PUDP: variants seen among roughly 807,000 people sequenced by gnomAD.
PUDP encodes the protein pseudouridine-5'-phosphatase.
PUDP carries 8 observed loss-of-function variants against 9.4 expected under a neutral mutation model. That is an observed-to-expected ratio of 0.85 (90% CI 0.50 to 1.53). The LOEUF is 1.53. Among genes scored for constraint, PUDP ranks in the 40% most tolerant of loss-of-function variants. The probability of loss-of-function intolerance (pLI) is 0.00; values close to 1 mark genes in which losing one functional copy is unlikely to be tolerated. For synonymous variants in PUDP, 99 were observed against 80.7 expected (o/e 1.23, Z -1.22); for missense variants, 188 against 189.7 (o/e 0.99, Z 0.05).
At chrX:6,981,883 G>A (rs1489001135) in intron 1 of PUDP, among the ~76,000 whole-genome samples, 4 of 110,131 alleles carry the variant, frequency 3.6e-5, no homozygotes, top group South Asian at 3.9e-4. Flanking sequence ...GCTGGATGCC[G>A]GGCAGAATAA....
At chrX:6,801,307 C>T (rs1035157030) in intron 3 of PUDP, among the ~76,000 whole-genome samples, 10 of 111,924 alleles carry the variant, frequency 8.9e-5, no homozygotes, top group Non-Finnish European at 1.9e-4. Context: ...ACCCCAGTTT[C>T]TCCTGGAAGA....
downstream of PUDP, among the ~76,000 whole-genome samples, chrX:7,047,979 G>A (rs1315841832): frequency 8.9e-6 from 1 of 112,253 alleles, no homozygotes; most frequent in Non-Finnish European, 1.9e-5. Context: ...TTGCACAGCA[G>A]CATCACTCCT....
downstream of PUDP, among the ~76,000 whole-genome samples, chrX:7,048,693 C>T (rs764003360): frequency 8.9e-6 from 1 of 112,105 alleles, no homozygotes; most frequent in Non-Finnish European, 1.9e-5. Flanking sequence ...AACATAAATA[C>T]TTGGGAAGGA....
intron 3 of PUDP, among the ~76,000 whole-genome samples, chrX:6,880,999 A>G (rs1192524926): frequency 8.9e-6 from 1 of 112,586 alleles, no homozygotes; most frequent in Non-Finnish European, 1.9e-5. Context: ...AGAATGTATT[A>G]TTAGAGAATG....
intron 3 of PUDP, among the ~76,000 whole-genome samples, chrX:6,779,292 C>A (rs1349286490): frequency 9.0e-6 from 1 of 111,515 alleles, no homozygotes; most frequent in African/African-American, 3.3e-5. Flanking sequence ...TCTGAGCATG[C>A]CACAAAAGAA....
chrX:6,901,892 CAG>C (rs1288889636), intron 3 of PUDP, among the ~76,000 whole-genome samples: 2 of 111,294 alleles, frequency 1.8e-5, no homozygotes, highest in Admixed American at 1.9e-4. Context: ...TTGTTTTTTT[CAG>C]AGAGTGTCTT....
intron 3 of PUDP, among the ~76,000 whole-genome samples, chrX:6,942,290 A>C (rs1377400831): frequency 8.9e-6 from 1 of 112,255 alleles, no homozygotes; most frequent in Non-Finnish European, 1.9e-5. Context: ...TGTAATACTG[A>C]ATTATTCTAA....
intron 1 of PUDP, among the ~76,000 whole-genome samples, chrX:7,024,448 TG>T (rs763471778): frequency 3.0e-4 from 34 of 111,549 alleles, no homozygotes; most frequent in African/African-American, 1.1e-3. Flanking sequence ...ATGATCACAT[TG>T]TTTTTTTGTT....
chrX:6,981,995 A>C (rs184745122), intron 1 of PUDP, among the ~76,000 whole-genome samples: 113 of 105,463 alleles, frequency 1.1e-3, no homozygotes, highest in Middle Eastern at 4.9e-3. Context: ...ACACACACAC[A>C]CCCCCAAGAG....
chrX:6,794,896 A>AT (rs35920465), intron 3 of PUDP, among the ~76,000 whole-genome samples: 41,865 of 96,850 alleles, frequency 0.43, 8,248 homozygotes, highest in African/African-American at 0.73. Flanking sequence ...CTTTTCTGCA[A>AT]TTTTTTTACT....
At chrX:6,923,407 G>A (rs1412754527) in intron 3 of PUDP, among the ~76,000 whole-genome samples, 1 of 111,960 alleles carries the variant, frequency 8.9e-6, no homozygotes, top group Non-Finnish European at 1.9e-5. Flanking sequence ...ATATCTGATT[G>A]TCAAGTTGAA....
At chrX:6,874,646 G>A (rs1411877210) in intron 3 of PUDP, among the ~76,000 whole-genome samples, 2 of 112,355 alleles carry the variant, frequency 1.8e-5, no homozygotes, top group African/African-American at 6.5e-5. Context: ...CCATCTAGAT[G>A]CCAATCAAAT....
chrX:6,795,181 G>A (rs1055730897), intron 3 of PUDP, among the ~76,000 whole-genome samples: 9 of 111,193 alleles, frequency 8.1e-5, no homozygotes, highest in African/African-American at 2.6e-4. Context: ...GATCTGCATC[G>A]TATATGTGGT....
chrX:7,105,543 C>G, intron 2 of PUDP, 77 bp downstream of exon 2: 1 of 753,878 alleles, frequency 1.3e-6, no homozygotes. Flanking sequence ...ATGCCCTATG[C>G]TAGACTTTAA....
chrX:6,993,716 T>C (rs190578078), intron 1 of PUDP, among the ~76,000 whole-genome samples: 15 of 112,390 alleles, frequency 1.3e-4, no homozygotes, highest in East Asian at 1.1e-3. Flanking sequence ...TCTTATAATA[T>C]TGTTAAAAAT....
At chrX:6,844,128 C>T (rs1324668406) in intron 3 of PUDP, among the ~76,000 whole-genome samples, 4 of 112,331 alleles carry the variant, frequency 3.6e-5, no homozygotes, top group African/African-American at 1.3e-4. Context: ...TTGAGTGTTT[C>T]TCACCTTGAA....
At chrX:6,863,199 G>A (rs1339691023) in intron 3 of PUDP, among the ~76,000 whole-genome samples, 1 of 111,863 alleles carries the variant, frequency 8.9e-6, no homozygotes, top group Non-Finnish European at 1.9e-5. Context: ...ACAGGCATGT[G>A]CAACAGTGCC....
chrX:7,116,860 G>A (rs1304912367), intron 1 of PUDP: 2 of 1,090,599 alleles, frequency 1.8e-6, no homozygotes, highest in East Asian at 3.4e-5. Context: ...GTGAGCTCTT[G>A]CTCTGAGTTC....
At chrX:6,815,260 G>T (rs933310994) in intron 3 of PUDP, among the ~76,000 whole-genome samples, 1 of 109,828 alleles carries the variant, frequency 9.1e-6, no homozygotes, top group African/African-American at 3.3e-5. Context: ...ATTCTTCTCT[G>T]GAAAAGAAAT....
Sources: gnomAD v4.1 joint callset for allele counts (sites outside exome capture counted in the v4.1 genomes callset) on GRCh38, gnomAD v4.1.1 for gene constraint, MANE v1.5 for transcripts, NCBI Gene and HGNC (gene_info 2026-07-23, HGNC 2026-07-21) for gene names.